The following GFM1 variants were observed in gnomAD, a reference collection of about 807,000 sequenced individuals.
The protein encoded by GFM1 is elongation factor G, mitochondrial.
A neutral mutation model predicts 96.2 loss-of-function variants in GFM1; 62 were observed. That is an observed-to-expected ratio of 0.64 (90% CI 0.53 to 0.80). GFM1 has a LOEUF of 0.80. Ranked by LOEUF, GFM1 falls within the 30% of genes least tolerant of loss-of-function variation. GFM1 has a pLI of 0.00. For missense variants in GFM1, 852 were observed against 916.6 expected (o/e 0.93, Z 0.91); for synonymous variants, 282 against 312.9 (o/e 0.90, Z 1.04).
Position 158,693,974 on chromosome 3 carries a change from C to T in GFM1, c.*2507C>T, listed in dbSNP as rs1481275919. On this transcript the variant is annotated 3_prime_UTR_variant, in exon 18 of 18. Coordinates refer to ENST00000486715, the MANE Select transcript of GFM1 (RefSeq NM_024996.7). ...AAATTCAGGAGTGTCATATTGTATTCTTTTGTGTGATATTAGAGTTTGGTT... is the reference window on the plus strand; with the variant it reads ...AAATTCAGGAGTGTCATATTGTATTTTTTTGTGTGATATTAGAGTTTGGTT... Among the ~76,000 whole-genome samples the T allele has an allele frequency of 2.0e-5, 3 of 151,772 alleles. No homozygotes were observed. In the South Asian group the frequency reaches 6.2e-4, roughly 31 times the overall value.
intron 13 of GFM1, among the ~76,000 whole-genome samples, chr3:158,673,371 TA>T (rs1446907948): frequency 6.6e-6 from 1 of 152,204 alleles, no homozygotes; most frequent in Non-Finnish European, 1.5e-5. Context: ...GCAATGGGCC[TA>T]TAAACCTGAC....
rs1319535917 is a variant in GFM1 at position 158,690,198 on chromosome 3, A to G, written c.1945A>G (p.Ile649Val). ...TGCAACATTATGTATTCTTGAACCTATTATGGCTGTGGAAGTTGTAGCTCC... is the reference window on the plus strand; with the variant it reads ...TGCAACATTATGTATTCTTGAACCTGTTATGGCTGTGGAAGTTGTAGCTCC... ...ANATLCILEP[I>V]MAVEVVAPNE... is the part of the protein sequence containing the mutation. Residue 649 changes from isoleucine to valine, a missense_variant, in exon 16 of 18, where the codon ATT becomes GTT. By Grantham distance (29) the Ile-to-Val change is conservative (BLOSUM62 3). Coordinates refer to ENST00000486715, the MANE Select transcript of GFM1 (RefSeq NM_024996.7). 9 of 1,613,620 alleles carry G rather than the reference A, an allele frequency of 5.6e-6. No individual in the cohort carries two copies. Among genetic ancestry groups the G allele is most frequent in the East Asian group, 2.2e-5 (1 of 44,868 alleles).
chr3:158,658,821 T>C, intron 8 of GFM1, 101 bp from the exon 9 acceptor site: 1 of 1,238,746 alleles, frequency 8.1e-7, no homozygotes, highest in Non-Finnish European at 1.2e-6. Flanking sequence ...ATTACTAAAA[T>C]TGGTAGAGAA....
chr3:158,678,958 C>G (rs1725136197), intron 13 of GFM1, among the ~76,000 whole-genome samples: 1 of 152,114 alleles, frequency 6.6e-6, no homozygotes, highest in African/African-American at 2.4e-5. Flanking sequence ...CACTTGAGAC[C>G]AGGATTTTGA....
chr3:158,687,678 A>G (rs1576795457), intron 15 of GFM1, among the ~76,000 whole-genome samples: 2 of 152,066 alleles, frequency 1.3e-5, no homozygotes, highest in East Asian at 1.9e-4. Context: ...ATGTTGGCCA[A>G]GCTGGTCTTG....
Position 158,644,576 on chromosome 3 carries a change from T to G in GFM1, c.-59T>G. 1 of 1,428,620 alleles carries G rather than the reference T, an allele frequency of 7.0e-7. No individual in the cohort carries two copies. Among genetic ancestry groups the G allele is most frequent in the Non-Finnish European group, 9.6e-7 (1 of 1,038,182 alleles). 88.5% of individuals were successfully genotyped at this position (1,428,620 alleles called of 1,614,324 possible). ...GTGACTTTGACCGCTTCCCGGTGCG[T>G]TACCGGCAGCTGAACCCACCCGGCG... On this transcript the variant is annotated 5_prime_UTR_variant, in exon 1 of 18. Transcript: ENST00000486715.
chr3:158,681,251 G>T (rs1048519827), intron 13 of GFM1, among the ~76,000 whole-genome samples: 13 of 152,230 alleles, frequency 8.5e-5, no homozygotes, highest in African/African-American at 3.1e-4. Flanking sequence ...GTGGTCTTGA[G>T]GAAGATTTCA....
Position 158,684,735 on chromosome 3 carries a change from A to G in GFM1, c.1909+67A>G, listed in dbSNP as rs1725690196. 3.2e-6 allele frequency: 5 copies of G among 1,549,262 alleles called. No individual in the cohort carries two copies. The African/African-American group carries it at 4.1e-5, about 13-fold the overall frequency. ...TAGATCATCATAGCCTCAGAAGGCAACACTGTTTTCAGTCTTCTTCACCCA... is the reference window on the plus strand; with the variant it reads ...TAGATCATCATAGCCTCAGAAGGCAGCACTGTTTTCAGTCTTCTTCACCCA... On this transcript the variant is annotated intron_variant, in intron 15 of 17. Transcript: ENST00000486715.
rs1167011524 is a variant in GFM1 at position 158,690,242 on chromosome 3, A to G, written c.1989A>G (p.Gln663=). 1.2e-6 allele frequency: 2 copies of G among 1,613,872 alleles called. No homozygotes were observed. The highest frequency in any genetic ancestry group is 2.2e-5 in the East Asian group (1 of 44,862). The part of the protein sequence containing the change: ...EVVAPNEFQG[Q]VIAGINRRHG... Reference sequence around the variant, plus strand: ...TAGCTCCAAATGAATTTCAGGGACAAGTAATTGCAGGAATTAACCGACGCC... The same window carrying G: ...TAGCTCCAAATGAATTTCAGGGACAGGTAATTGCAGGAATTAACCGACGCC... The change falls in exon 16 of 18, where the codon CAA becomes CAG. Residue 663 remains glutamine (Q), a synonymous_variant. Transcript: ENST00000486715.
At position 158,646,233 on chromosome 3, in the gene GFM1, T is replaced by C. The variant is rs1304478706; in HGVS notation, c.303T>C (p.Thr101=). The change falls in exon 3 of 18, where the codon ACT becomes ACC. Residue 101 remains threonine (T), a synonymous_variant. Coordinates refer to ENST00000486715, the MANE Select transcript of GFM1 (RefSeq NM_024996.7). ...AACTAGAGAGACAAAGAGGAATCAC[T>C]ATTCAGTCAGCAGCCACTTACACCA... ...SMELERQRGI[T]IQSAATYTMW... 1.2e-6 allele frequency: 2 copies of C among 1,613,788 alleles called. No individual in the cohort carries two copies. Among genetic ancestry groups the C allele is most frequent in the Non-Finnish European group, 8.5e-7 (1 of 1,179,754 alleles).
chr3:158,685,972 A>T (rs1019400908), intron 15 of GFM1, among the ~76,000 whole-genome samples: 1 of 152,006 alleles, frequency 6.6e-6, no homozygotes, highest in African/African-American at 2.4e-5. Context: ...GGAAATTGGT[A>T]GCTTTCCTGG....
intron 13 of GFM1, among the ~76,000 whole-genome samples, chr3:158,671,514 A>G (rs1275635025): frequency 6.6e-6 from 1 of 152,240 alleles, no homozygotes; most frequent in Non-Finnish European, 1.5e-5. Context: ...TGAAACTGCA[A>G]AATGATTAAC....
intron 13 of GFM1, chr3:158,672,323 C>T: frequency 1.2e-6 from 2 of 1,611,814 alleles, no homozygotes. Flanking sequence ...GAAGCCTCTG[C>T]TGTCCACCAC....
Position 158,645,648 on chromosome 3 carries a change from G to A in GFM1, c.101G>A (p.Arg34Gln). The A allele has an allele frequency of 1.2e-6, 2 of 1,613,046 alleles. No individual in the cohort carries two copies. The highest frequency in any genetic ancestry group is 1.7e-6 in the Non-Finnish European group (2 of 1,179,036). Residue 34 changes from arginine to glutamine, a missense_variant, in exon 2 of 18, where the codon CGA becomes CAA. Coordinates refer to ENST00000486715, the MANE Select transcript of GFM1 (RefSeq NM_024996.7). ...QRKQVNWKAC[R>Q]WSSSGVIPNE... Reference sequence around the variant, plus strand: ...TTTCAGGTTAATTGGAAGGCCTGCCGATGGTCTTCATCAGGGGTGATTCCT... The same window carrying A: ...TTTCAGGTTAATTGGAAGGCCTGCCAATGGTCTTCATCAGGGGTGATTCCT...
intron 13 of GFM1, among the ~76,000 whole-genome samples, chr3:158,679,261 G>C (rs1725165733): frequency 1.3e-5 from 2 of 152,194 alleles, no homozygotes; most frequent in Admixed American, 6.5e-5. Context: ...ACAGTATCGT[G>C]TAAACATATA....
chr3:158,691,720 T>A lies in GFM1; in HGVS notation c.*253T>A. ...TTGAAAATCCTCAAATAAAATATAATTATTACTGAAATATGTTTAATATTT... is the reference window on the plus strand; with the variant it reads ...TTGAAAATCCTCAAATAAAATATAAATATTACTGAAATATGTTTAATATTT... On this transcript the variant is annotated 3_prime_UTR_variant, in exon 18 of 18. Coordinates refer to ENST00000486715, the MANE Select transcript of GFM1 (RefSeq NM_024996.7). 1 of 346,396 alleles carries A rather than the reference T, an allele frequency of 2.9e-6. No homozygotes were observed. Among genetic ancestry groups the A allele is most frequent in the Non-Finnish European group, 5.4e-6 (1 of 185,790 alleles). The allele number at this position is 346,396 out of a possible 1,614,324, so 21.5% of individuals were successfully genotyped here.
chr3:158,686,721 GTTTTTTTTTTT>G (rs67517331), intron 15 of GFM1, among the ~76,000 whole-genome samples: 3 of 85,732 alleles, frequency 3.5e-5, no homozygotes, highest in African/African-American at 1.4e-4. Context: ...TTGAATTGAG[GTTTTTTTTTTT>G]TTTTTTTTTT....
intron 11 of GFM1, among the ~76,000 whole-genome samples, chr3:158,664,673 C>T (rs192995484): frequency 1.3e-5 from 2 of 152,286 alleles, no homozygotes; most frequent in Admixed American, 1.3e-4. Flanking sequence ...TTGTATCCAC[C>T]TAGATAATTG....
chr3:158,674,725 AAAGAT>A (rs1220928133), intron 13 of GFM1, among the ~76,000 whole-genome samples: 5 of 152,046 alleles, frequency 3.3e-5, no homozygotes, highest in Non-Finnish European at 4.4e-5. Context: ...CTTGAAAAGA[AAAGAT>A]AATTAGCGTT....
Sources: allele counts gnomAD v4.1 joint callset (sites outside exome capture counted in the v4.1 genomes callset), GRCh38; gene constraint gnomAD v4.1.1; transcripts MANE v1.5; gene names NCBI Gene and HGNC (gene_info 2026-07-23, HGNC 2026-07-21).